Variants in LYPD6B observed in about 807,000 individuals in gnomAD.
The protein encoded by LYPD6B is LY6/PLAUR domain containing 6B.
Under a neutral mutation model 22.8 loss-of-function variants are expected in LYPD6B, and 17 were observed. The ratio of observed to expected loss-of-function variants is 0.75; its 90% CI spans 0.51 to 1.12. LYPD6B has a LOEUF of 1.12. LYPD6B is among the 50% of genes most tolerant of loss of function. The pLI is 0.00. For missense variants in LYPD6B, 221 were observed against 258.3 expected, an observed-to-expected ratio of 0.86 and a Z score of 0.99; for synonymous variants, 106 against 91.6, an observed-to-expected ratio of 1.16 and a Z score of -0.90.
intron 1 of LYPD6B, among the ~76,000 whole-genome samples, chr2:149,074,295 T>G (rs1684784266): frequency 6.6e-6 from 1 of 151,446 alleles, no homozygotes; most frequent in African/African-American, 2.4e-5. Flanking sequence ...CACACGCACA[T>G]GTGCTCTCTC....
chr2:149,136,256 C>T (rs1688363615), intron 2 of LYPD6B, among the ~76,000 whole-genome samples: 1 of 152,126 alleles, frequency 6.6e-6, no homozygotes, highest in Non-Finnish European at 1.5e-5. Context: ...ATTTTTCTCC[C>T]CTTGGTGCTA....
intron 2 of LYPD6B, among the ~76,000 whole-genome samples, chr2:149,146,752 AC>A (rs1460645057): frequency 6.6e-6 from 1 of 151,658 alleles, no homozygotes; most frequent in Non-Finnish European, 1.5e-5. Flanking sequence ...AGGAAAAGCA[AC>A]TCCAGGAGAA....
rs140576592 is a variant in LYPD6B, at chr2:149,112,166, G to A, written c.-66-18717G>A. On this transcript the variant is annotated intron_variant, in intron 1 of 6. Transcript: ENST00000409642. ...GTTGTAAAGGGGAACACAAAAATGG[G>A]TTGTAAGGAGATGCATGTCTGACAG... Among the ~76,000 whole-genome samples the A allele has an allele frequency of 2.1e-3, 325 of 152,262 alleles. 3 individuals carry two copies. The highest frequency in any genetic ancestry group is 7.4e-3 in the African/African-American group (306 of 41,560).
At chr2:149,210,986 C>A (rs1386105958) in intron 5 of LYPD6B, among the ~76,000 whole-genome samples, 6 of 152,268 alleles carry the variant, frequency 3.9e-5, no homozygotes, top group African/African-American at 1.4e-4. Context: ...GTTCAGGAAG[C>A]ATGATGCTGG....
chr2:149,097,185 G>A (rs1025910928), intron 1 of LYPD6B, among the ~76,000 whole-genome samples: 3 of 152,202 alleles, frequency 2.0e-5, no homozygotes, highest in African/African-American at 4.8e-5. Flanking sequence ...GCCCTGCACC[G>A]CCACCCCTGC....
chr2:149,118,221 G>A (rs1172972535), intron 1 of LYPD6B: 1 of 152,222 alleles, frequency 6.6e-6, no homozygotes, highest in Non-Finnish European at 1.5e-5. Flanking sequence ...GACTACCAGG[G>A]GGTGCAGTCT....
At chr2:149,187,877 A>G (rs1243417076) in intron 3 of LYPD6B, among the ~76,000 whole-genome samples, 1 of 152,238 alleles carries the variant, frequency 6.6e-6, no homozygotes, top group Non-Finnish European at 1.5e-5. Flanking sequence ...GAGGGTATAA[A>G]TTGGATTATT....
At chr2:149,093,039 A>G (rs1239039887) in intron 1 of LYPD6B, among the ~76,000 whole-genome samples, 1 of 152,170 alleles carries the variant, frequency 6.6e-6, no homozygotes, top group Non-Finnish European at 1.5e-5. Flanking sequence ...TTAAGTCAGA[A>G]GTTGGAAACA....
chr2:149,069,109 T>G (rs1246754178), intron 1 of LYPD6B, among the ~76,000 whole-genome samples: 3 of 151,666 alleles, frequency 2.0e-5, no homozygotes, highest in African/African-American at 7.3e-5. Context: ...AGTTTTGGTA[T>G]AACTTGCAAT....
intron 1 of LYPD6B, among the ~76,000 whole-genome samples, chr2:149,122,680 C>T (rs1043289855): frequency 6.6e-6 from 1 of 150,600 alleles, no homozygotes; most frequent in Non-Finnish European, 1.5e-5. Context: ...CATTTCAGTA[C>T]ATACTCAGGG....
intron 3 of LYPD6B, among the ~76,000 whole-genome samples, chr2:149,162,323 G>A (rs776796993): frequency 9.2e-5 from 14 of 152,142 alleles, no homozygotes; most frequent in Admixed American, 1.3e-4. Flanking sequence ...GTAAGGAAGG[G>A]TCTATTAATA....
intron 1 of LYPD6B, among the ~76,000 whole-genome samples, chr2:149,047,589 A>G (rs1683368731): frequency 6.6e-6 from 1 of 151,842 alleles, no homozygotes; most frequent in South Asian, 2.1e-4. Flanking sequence ...GTGTACATGT[A>G]TGCATGCGTG....
intron 1 of LYPD6B, among the ~76,000 whole-genome samples, chr2:149,106,475 G>C (rs887664977): frequency 6.6e-6 from 1 of 152,036 alleles, no homozygotes; most frequent in Non-Finnish European, 1.5e-5. Flanking sequence ...CTATTCAAAG[G>C]TTGCCAGTTT....
At chr2:149,039,187 G>A (rs962679971) in intron 1 of LYPD6B, among the ~76,000 whole-genome samples, 1 of 152,366 alleles carries the variant, frequency 6.6e-6, no homozygotes, top group Admixed American at 6.5e-5. Context: ...GCTGGGGCTG[G>A]GGTTCAAGGC....
intron 1 of LYPD6B, among the ~76,000 whole-genome samples, chr2:149,058,728 T>C (rs1199527176): frequency 6.6e-6 from 1 of 152,208 alleles, no homozygotes; most frequent in African/African-American, 2.4e-5. Flanking sequence ...CCAGCGATTC[T>C]CCTGCCTCAG....
intron 2 of LYPD6B, among the ~76,000 whole-genome samples, chr2:149,154,694 T>G (rs543787264): frequency 4.6e-5 from 7 of 151,194 alleles, no homozygotes; most frequent in African/African-American, 1.7e-4. Context: ...GGTGGGGTGG[T>G]GTGGGGAGAG....
intron 1 of LYPD6B, among the ~76,000 whole-genome samples, chr2:149,097,541 G>C (rs1260301724): frequency 6.6e-6 from 1 of 152,206 alleles, no homozygotes; most frequent in African/African-American, 2.4e-5. Context: ...CTCAGGGAGA[G>C]TCACCTCCGT....
At chr2:149,195,292 C>A (rs1035065773) in intron 3 of LYPD6B, among the ~76,000 whole-genome samples, 1 of 152,132 alleles carries the variant, frequency 6.6e-6, no homozygotes, top group Non-Finnish European at 1.5e-5. Context: ...TAGAGACCAA[C>A]TCATGGGCTG....
intron 4 of LYPD6B, among the ~76,000 whole-genome samples, chr2:149,207,718 G>A (rs1404586835): frequency 6.6e-6 from 1 of 152,078 alleles, no homozygotes; most frequent in Non-Finnish European, 1.5e-5. Context: ...CATGTTTGAG[G>A]TTAAATGTAG....
Sources: gnomAD v4.1 joint callset for allele counts (sites outside exome capture counted in the v4.1 genomes callset) on GRCh38, gnomAD v4.1.1 for gene constraint, MANE v1.5 for transcripts, NCBI Gene and HGNC (gene_info 2026-07-23, HGNC 2026-07-21) for gene names.